XKR9: variants seen among roughly 807,000 people sequenced by gnomAD.
The protein encoded by XKR9 is XK-related protein 9.
Under a neutral mutation model 32.0 loss-of-function variants are expected in XKR9, and 32 were observed. The observed-to-expected ratio is 1.00, with a 90% confidence interval of 0.76 to 1.34. XKR9 has a LOEUF of 1.34. XKR9 is among the 40% of genes most tolerant of loss of function. The pLI is 0.00. For synonymous variants in XKR9, 168 were observed against 143.4 expected (o/e 1.17, Z -1.22); for missense variants, 546 against 429.7 (o/e 1.27, Z -2.39).
chr8:70,702,084 A>T (rs1027509528), intron 3 of XKR9, among the ~76,000 whole-genome samples: 6 of 152,170 alleles, frequency 3.9e-5, no homozygotes, highest in African/African-American at 1.2e-4. Context: ...ATGGAGTTAA[A>T]TGGGCATTAA....
chr8:71,026,302 T>A, the XKR9 span, among the ~76,000 whole-genome samples: 3 of 152,368 alleles, frequency 2.0e-5, no homozygotes, highest in South Asian at 6.2e-4. Context: ...TCAAAATTTA[T>A]TGATTATTTT....
the XKR9 span, among the ~76,000 whole-genome samples, chr8:71,023,874 G>A: frequency 1.3e-5 from 2 of 152,192 alleles, no homozygotes; most frequent in African/African-American, 4.8e-5. Flanking sequence ...CCAGATGCCA[G>A]TGCTGGTGGA....
chr8:70,876,940 C>T, the XKR9 span, among the ~76,000 whole-genome samples: 3 of 152,016 alleles, frequency 2.0e-5, no homozygotes, highest in Non-Finnish European at 4.4e-5. Flanking sequence ...TGATAATAAA[C>T]ATAAATTTTA....
At chr8:70,781,113 G>C (rs1449957319) in intron 2 of XKR9, 1 of 151,934 alleles carries the variant, frequency 6.6e-6, no homozygotes, top group Non-Finnish European at 1.5e-5. Flanking sequence ...ATCCTAGTGG[G>C]TATAAAGTGG....
rs749042884 is a variant in XKR9, at chr8:70,734,090, A to G, written c.788A>G (p.Tyr263Cys). Residue 263 changes from tyrosine (Y) to cysteine (C), a missense_variant, in exon 5 of 5, where the codon TAT becomes TGT. By Grantham distance (194) the Tyr-to-Cys change is radical. Transcript: ENST00000408926. The part of the protein sequence containing the change: ...FCTCISMEFL[Y>C]RIVVGFILIF... The stretch of plus-strand genomic sequence containing the variant: ...ACTTGTATAAGTATGGAATTCTTAT[A>G]TAGGATTGTTGTTGGATTCATTCTT... 80 of 1,612,778 alleles carry G rather than the reference A, an allele frequency of 5.0e-5. No individual in the cohort carries two copies. The highest frequency in any genetic ancestry group is 6.5e-5 in the Non-Finnish European group (77 of 1,179,156).
intron 2 of XKR9, among the ~76,000 whole-genome samples, chr8:70,767,773 T>A (rs1330521347): frequency 6.6e-6 from 1 of 152,106 alleles, no homozygotes; most frequent in African/African-American, 2.4e-5. Context: ...AGTGCTGGGA[T>A]TACAGGTATG....
the XKR9 span, among the ~76,000 whole-genome samples, chr8:70,976,868 G>A: frequency 6.6e-6 from 1 of 152,022 alleles, no homozygotes; most frequent in African/African-American, 2.4e-5. Flanking sequence ...TTGGTTGGTA[G>A]GCTATAAATT....
At chr8:70,723,229 C>T (rs980978904) in intron 4 of XKR9, among the ~76,000 whole-genome samples, 2 of 152,076 alleles carry the variant, frequency 1.3e-5, no homozygotes, top group Non-Finnish European at 2.9e-5. Context: ...AGCTTCCTTG[C>T]GTTGCATTAA....
intron 2 of XKR9, among the ~76,000 whole-genome samples, chr8:70,778,965 GCCAGAACTT>G (rs1807573509): frequency 6.6e-6 from 1 of 152,070 alleles, no homozygotes; most frequent in Admixed American, 6.6e-5. Context: ...GACTGCCCTG[GCCAGAACTT>G]CCAACACTAT....
chr8:70,867,428 A>G, the XKR9 span, among the ~76,000 whole-genome samples: 1 of 152,112 alleles, frequency 6.6e-6, no homozygotes, highest in African/African-American at 2.4e-5. Context: ...GTGCTTCCCA[A>G]TAGTACCCCA....
chr8:70,719,639 G>A (rs1237177580), intron 4 of XKR9, among the ~76,000 whole-genome samples: 1 of 152,050 alleles, frequency 6.6e-6, no homozygotes, highest in Non-Finnish European at 1.5e-5. Context: ...CCTCTGTCCT[G>A]ATCCATTGTT....
the XKR9 span, among the ~76,000 whole-genome samples, chr8:70,885,086 T>C: frequency 2.6e-5 from 4 of 152,124 alleles, no homozygotes; most frequent in Admixed American, 6.6e-5. Flanking sequence ...ACAGATCTTA[T>C]ACTTTTTTTT....
chr8:70,672,085 GA>G (rs1413306591), intron 1 of XKR9, among the ~76,000 whole-genome samples: 1 of 53,834 alleles, frequency 1.9e-5, no homozygotes, highest in Admixed American at 1.7e-4. Context: ...CAAACAAATG[GA>G]AGAACATTCC....
chr8:70,708,966 A>G lies in XKR9; in HGVS notation c.493+1813A>G, dbSNP rs138459877. On this transcript the variant is annotated intron_variant, in intron 4 of 4. Transcript: ENST00000408926. ...ATTCTCTGAGGTCAGCATCATTTTGATGCCAAAATCTGGCAGTGACACAAG... is the reference window on the plus strand; with the variant it reads ...ATTCTCTGAGGTCAGCATCATTTTGGTGCCAAAATCTGGCAGTGACACAAG... Among the ~76,000 whole-genome samples, 825 of 152,234 alleles carry G rather than the reference A, an allele frequency of 5.4e-3. 10 individuals carry two copies. The highest frequency in any genetic ancestry group is 0.019 in the African/African-American group (776 of 41,558).
At chr8:70,944,905 A>G in the XKR9 span, among the ~76,000 whole-genome samples, 1 of 152,132 alleles carries the variant, frequency 6.6e-6, no homozygotes, top group Admixed American at 6.5e-5. Context: ...GTAGTGAAAG[A>G]GGTTCTCTAA....
the XKR9 span, among the ~76,000 whole-genome samples, chr8:70,885,476 T>G: frequency 6.6e-6 from 1 of 152,196 alleles, no homozygotes; most frequent in East Asian, 1.9e-4. Flanking sequence ...GGTATACATG[T>G]GCCATGGAGG....
chr8:70,741,234 G>A (rs1355917048), intron 2 of XKR9, among the ~76,000 whole-genome samples: 1 of 152,152 alleles, frequency 6.6e-6, no homozygotes, highest in Non-Finnish European at 1.5e-5. Context: ...AGGTTATCAG[G>A]GTGGGTTCTC....
chr8:70,874,119 TTAA>T, the XKR9 span, among the ~76,000 whole-genome samples: 1 of 152,216 alleles, frequency 6.6e-6, no homozygotes, highest in Non-Finnish European at 1.5e-5. Context: ...TATTGCACAC[TTAA>T]TAGACCACAG....
At chr8:70,694,663 C>T (rs1459234480) in intron 3 of XKR9, among the ~76,000 whole-genome samples, 3 of 152,186 alleles carry the variant, frequency 2.0e-5, no homozygotes, top group African/African-American at 7.2e-5. Context: ...CCCCTCCTCC[C>T]AGGAGTGCCT....
Sources: gnomAD v4.1 joint callset for allele counts (sites outside exome capture counted in the v4.1 genomes callset) on GRCh38, gnomAD v4.1.1 for gene constraint, MANE v1.5 for transcripts, NCBI Gene and HGNC (gene_info 2026-07-23, HGNC 2026-07-21) for gene names.